The following COMMD1 variants were observed in gnomAD, a reference collection of about 807,000 sequenced individuals.
The protein encoded by COMMD1 is copper metabolism domain containing 1, also known as COMM domain-containing protein 1.
Under a neutral mutation model 17.2 loss-of-function variants are expected in COMMD1, and 10 were observed. The observed-to-expected ratio is 0.58, with a 90% CI of 0.36 to 0.99. COMMD1 has a LOEUF of 0.99. COMMD1 is among the 50% of genes least tolerant of loss of function. COMMD1 has a pLI of 0.01. For synonymous variants in COMMD1, 97 were observed against 91.6 expected (o/e 1.06, Z -0.34); for missense variants, 270 against 231.8 (o/e 1.17, Z -1.07).
intron 2 of COMMD1, among the ~76,000 whole-genome samples, chr2:62,115,826 T>G (rs1279177149): frequency 1.4e-5 from 2 of 138,688 alleles, no homozygotes; most frequent in East Asian, 4.0e-4. Flanking sequence ...TTTTGGTGGG[T>G]TTTTTTTTTC....
chr2:61,926,416 T>C (rs1670331251), intron 1 of COMMD1, among the ~76,000 whole-genome samples: 1 of 152,206 alleles, frequency 6.6e-6, no homozygotes, highest in African/African-American at 2.4e-5. Context: ...ATAGTGATGA[T>C]AATCTGTCAA....
chr2:61,928,050 C>T (rs570012361), intron 1 of COMMD1, among the ~76,000 whole-genome samples: 1 of 151,928 alleles, frequency 6.6e-6, no homozygotes, highest in Non-Finnish European at 1.5e-5. Flanking sequence ...CAGGTGTTAG[C>T]CACTGTGCCT....
rs1028748060 is a variant in COMMD1 at position 62,063,955 on chromosome 2, G to T, written c.462+62973G>T. Among the ~76,000 whole-genome samples, 3 of 142,832 alleles carry T rather than the reference G, an allele frequency of 2.1e-5. No individual in the cohort carries two copies. The Admixed American group carries it at 2.2e-4, about 10-fold the overall frequency. The allele number at this position is 142,832 out of a possible 152,430, so 93.7% of individuals were successfully genotyped here. On this transcript the variant is annotated intron_variant, in intron 2 of 2. Coordinates refer to ENST00000311832, the MANE Select transcript of COMMD1 (RefSeq NM_152516.4). ...CTAGCTACTCAGGAGGCTGAGGTAG[G>T]ACAATCATTTGAACCTGGGAGGTTG...
At chr2:62,066,428 G>A (rs375034857) in intron 2 of COMMD1, among the ~76,000 whole-genome samples, 4 of 150,104 alleles carry the variant, frequency 2.7e-5, no homozygotes, top group East Asian at 3.9e-4. Context: ...TGCAAAGCAA[G>A]ATCAAATCTT....
At position 62,088,724 on chromosome 2, in the gene COMMD1, A is replaced by C. The variant is rs562196887; in HGVS notation, c.463-47107A>C. On this transcript the variant is annotated intron_variant, in intron 2 of 2. Transcript: ENST00000311832. ...CAACTCTTTAATGATGTCCACGAAAAGAGCCAAACTCTGTAAAATATTTGA... is the reference window on the plus strand; with the variant it reads ...CAACTCTTTAATGATGTCCACGAAACGAGCCAAACTCTGTAAAATATTTGA... 9.8e-5 allele frequency among the ~76,000 whole-genome samples: 15 copies of C among 152,388 alleles called. 1 individual carries two copies. The South Asian group carries it at 3.1e-3, about 32-fold the overall frequency.
intron 2 of COMMD1, among the ~76,000 whole-genome samples, chr2:62,107,270 G>A (rs1672344661): frequency 6.6e-6 from 1 of 152,228 alleles, no homozygotes; most frequent in East Asian, 1.9e-4. Context: ...TTTTAGTATT[G>A]CAGGTAATGG....
chr2:61,909,353 T>G (rs942930515), intron 1 of COMMD1, among the ~76,000 whole-genome samples: 4 of 152,200 alleles, frequency 2.6e-5, no homozygotes, highest in African/African-American at 4.8e-5. Flanking sequence ...AGTAAGCACC[T>G]GAAGATAGAT....
chr2:62,105,138 A>C (rs35673510), intron 2 of COMMD1, among the ~76,000 whole-genome samples: 3 of 151,324 alleles, frequency 2.0e-5, no homozygotes, highest in African/African-American at 7.3e-5. Flanking sequence ...AAAAAAAAAA[A>C]GAAAAAGAAA....
chr2:62,026,550 A>G (rs1017307523), intron 2 of COMMD1, among the ~76,000 whole-genome samples: 5 of 152,188 alleles, frequency 3.3e-5, no homozygotes, highest in African/African-American at 1.2e-4. Context: ...GGGTGGGGAC[A>G]AATACCCAAA....
intron 2 of COMMD1, among the ~76,000 whole-genome samples, chr2:62,001,415 T>C (rs564516394): frequency 2.0e-5 from 3 of 152,360 alleles, no homozygotes; most frequent in South Asian, 4.1e-4. Flanking sequence ...CATTAATACA[T>C]TGTTCGTAAA....
intron 2 of COMMD1, among the ~76,000 whole-genome samples, chr2:62,102,156 T>C (rs1672200365): frequency 6.6e-6 from 1 of 152,178 alleles, no homozygotes; most frequent in African/African-American, 2.4e-5. Context: ...ATATTTCCTA[T>C]TGTATCACAG....
intron 2 of COMMD1, among the ~76,000 whole-genome samples, chr2:62,080,272 G>C (rs1329960423): frequency 6.6e-6 from 1 of 152,122 alleles, no homozygotes; most frequent in Non-Finnish European, 1.5e-5. Context: ...GGACAACATA[G>C]GGAGACCCTG....
chr2:62,020,864 G>A (rs1444117383), intron 2 of COMMD1, among the ~76,000 whole-genome samples: 7 of 152,066 alleles, frequency 4.6e-5, no homozygotes, highest in East Asian at 3.9e-4. Context: ...TTAGCCAGGC[G>A]TCATGGCGCA....
intron 1 of COMMD1, among the ~76,000 whole-genome samples, chr2:61,890,680 A>G (rs1193807470): frequency 6.6e-6 from 1 of 152,044 alleles, no homozygotes; most frequent in East Asian, 1.9e-4. Flanking sequence ...GTCTCTACTA[A>G]AAATCAAAAC....
At chr2:62,085,450 C>T (rs756102481) in intron 2 of COMMD1, among the ~76,000 whole-genome samples, 115 of 152,070 alleles carry the variant, frequency 7.6e-4, no homozygotes, top group Non-Finnish European at 1.4e-3. Flanking sequence ...ATCTCCTGAC[C>T]TCGTGATCCA....
chr2:62,014,781 G>A (rs1255282763), intron 2 of COMMD1, among the ~76,000 whole-genome samples: 1 of 151,348 alleles, frequency 6.6e-6, no homozygotes, highest in African/African-American at 2.4e-5. Context: ...TGGCCAGTAT[G>A]GTCTTGAACT....
At chr2:62,038,416 G>C (rs1396280629) in intron 2 of COMMD1, among the ~76,000 whole-genome samples, 2 of 151,982 alleles carry the variant, frequency 1.3e-5, no homozygotes, top group African/African-American at 2.4e-5. Context: ...ATTGAAAATG[G>C]CTTTGAATTT....
intron 2 of COMMD1, among the ~76,000 whole-genome samples, chr2:62,007,412 C>T (rs1251192750): frequency 2.6e-5 from 4 of 151,990 alleles, no homozygotes; most frequent in African/African-American, 9.7e-5. Context: ...CCTCTAATCT[C>T]GAGGGAAAGT....
intron 2 of COMMD1, among the ~76,000 whole-genome samples, chr2:62,129,484 A>G (rs1018036919): frequency 9.9e-5 from 15 of 152,144 alleles, no homozygotes; most frequent in African/African-American, 3.6e-4. Flanking sequence ...TGCTACAGAG[A>G]AGCTATTTCT....
Sources: allele counts gnomAD v4.1 joint callset (sites outside exome capture counted in the v4.1 genomes callset), GRCh38; gene constraint gnomAD v4.1.1; transcripts MANE v1.5; gene names NCBI Gene and HGNC (gene_info 2026-07-23, HGNC 2026-07-21).